Variants in ANK2 observed in about 807,000 individuals in gnomAD.
ANK2 encodes the protein ankyrin-2.
ANK2 carries 83 observed loss-of-function variants against 360.5 expected under a neutral mutation model. The ratio of observed to expected loss-of-function variants is 0.23; its 90% CI spans 0.19 to 0.28. The LOEUF (loss-of-function observed/expected upper bound fraction) is 0.28, where lower values mean the gene tolerates loss of function less well. ANK2 is among the 10% of genes least tolerant of loss of function. The pLI, the probability that ANK2 is intolerant of heterozygous loss-of-function variation, is 1.00. For missense variants in ANK2, 4,201 were observed against 4,795.7 expected (o/e 0.88, Z 3.66); for synonymous variants, 1,740 against 1,759.5 (o/e 0.99, Z 0.28).
chr4:112,740,856 C>T, the ANK2 span, among the ~76,000 whole-genome samples: 11 of 151,930 alleles, frequency 7.2e-5, no homozygotes, highest in East Asian at 1.2e-3. Context: ...CGGGCGTGGT[C>T]GTGGGCACCC....
intron 1 of ANK2, among the ~76,000 whole-genome samples, chr4:112,891,818 G>A (rs779488599): frequency 6.6e-6 from 1 of 152,124 alleles, no homozygotes; most frequent in Non-Finnish European, 1.5e-5. Flanking sequence ...TGCTTTGAGT[G>A]GTATCAAAAG....
Position 113,214,498 on chromosome 4 carries a change from T to C in ANK2, c.384+15389T>C, listed in dbSNP as rs1229254643. On this transcript the variant is annotated intron_variant, in intron 4 of 45. Coordinates refer to ENST00000357077, the MANE Select transcript of ANK2 (RefSeq NM_001148.6). ...AAAATCTACAAATCAATTAATAAAA[T>C]ATTTATTACATTCATTAATTTATTA... 3.5e-5 allele frequency: 22 copies of C among 620,578 alleles called. 3 individuals carry two copies. The highest frequency in any genetic ancestry group is 6.3e-5 in the Non-Finnish European group (22 of 350,838). The allele number at this position is 620,578 out of a possible 1,614,324, so 38.4% of individuals were successfully genotyped here.
In ANK2 at chr4:113,288,368, CTTT is replaced by C. The variant is rs1223377938; in HGVS notation, c.2179-17_2179-15del. On this transcript the variant is annotated splice_polypyrimidine_tract_variant and intron_variant, in intron 19 of 45. Coordinates refer to ENST00000357077, the MANE Select transcript of ANK2 (RefSeq NM_001148.6). ...AAGTTTCTACTTTATCTATTTTTAA[CTTT>C]TTATTATTATTTACAGCTTGGTTAC... 1.2e-6 allele frequency: 2 copies of C among 1,600,698 alleles called. No homozygotes were observed. Among genetic ancestry groups the C allele is most frequent in the African/African-American group, 2.7e-5 (2 of 74,572 alleles).
intron 1 of ANK2, among the ~76,000 whole-genome samples, chr4:113,062,911 T>C (rs1162983663): frequency 6.6e-6 from 1 of 152,118 alleles, no homozygotes; most frequent in African/African-American, 2.4e-5. Context: ...TTTGATTATT[T>C]TCCCTGGGCC....
intron 2 of ANK2, among the ~76,000 whole-genome samples, chr4:113,022,428 C>T (rs1371749972): frequency 1.4e-4 from 21 of 152,102 alleles, no homozygotes. Context: ...CTTCACCTTT[C>T]ACAGTGACTT....
the ANK2 span, among the ~76,000 whole-genome samples, chr4:112,758,418 A>G: frequency 1.3e-5 from 2 of 151,784 alleles, no homozygotes; most frequent in African/African-American, 2.4e-5. Flanking sequence ...ATTTTTATTT[A>G]TTTATTTTTT....
the ANK2 span, among the ~76,000 whole-genome samples, chr4:112,751,799 A>G: frequency 6.6e-6 from 1 of 152,150 alleles, no homozygotes; most frequent in African/African-American, 2.4e-5. Flanking sequence ...GGTGTTAAGG[A>G]CTTAAGAAGT....
intron 26 of ANK2, among the ~76,000 whole-genome samples, chr4:113,319,005 C>A (rs2084512876): frequency 6.6e-6 from 1 of 152,084 alleles, no homozygotes; most frequent in Non-Finnish European, 1.5e-5. Context: ...CTGATTGGTT[C>A]AATGAAATAA....
intron 2 of ANK2, among the ~76,000 whole-genome samples, chr4:112,950,974 T>G (rs1027520420): frequency 1.4e-5 from 2 of 143,756 alleles, no homozygotes; most frequent in Non-Finnish European, 3.0e-5. Context: ...CCCAGCTACT[T>G]GGGAGGCTGA....
intron 1 of ANK2, among the ~76,000 whole-genome samples, chr4:113,100,127 C>T (rs1421503140): frequency 6.6e-6 from 1 of 151,934 alleles, no homozygotes; most frequent in African/African-American, 2.4e-5. Context: ...ATAAGTTGGG[C>T]TTCTTTAAAA....
At chr4:113,343,594 A>G (rs1306656877) in intron 34 of ANK2, among the ~76,000 whole-genome samples, 2 of 152,220 alleles carry the variant, frequency 1.3e-5, no homozygotes, top group Non-Finnish European at 2.9e-5. Flanking sequence ...ATAGAGCTAT[A>G]GACTTGATAT....
chr4:112,751,131 C>T, the ANK2 span, among the ~76,000 whole-genome samples: 1 of 152,070 alleles, frequency 6.6e-6, no homozygotes. Context: ...CTTCTCTATC[C>T]CTAAATTCTT....
At chr4:112,803,503 A>G in the ANK2 span, among the ~76,000 whole-genome samples, 1 of 151,966 alleles carries the variant, frequency 6.6e-6, no homozygotes, top group Non-Finnish European at 1.5e-5. Context: ...CAAGTCAAAG[A>G]ATGTTGGCTG....
intron 22 of ANK2, among the ~76,000 whole-genome samples, chr4:113,301,003 A>G (rs748918673): frequency 4.6e-5 from 7 of 152,230 alleles, no homozygotes; most frequent in Non-Finnish European, 8.8e-5. Context: ...GAAGTTATCT[A>G]CTGCTTTTGG....
chr4:112,813,236 T>TA (rs11393659), upstream of ANK2, among the ~76,000 whole-genome samples: 71,153 of 124,592 alleles, frequency 0.57, 20,377 homozygotes, highest in East Asian at 0.94. Context: ...AGACTCTGTC[T>TA]AAAAAAAAAA....
chr4:113,011,229 G>A (rs1181229321), intron 2 of ANK2, among the ~76,000 whole-genome samples: 2 of 152,038 alleles, frequency 1.3e-5, no homozygotes, highest in African/African-American at 4.8e-5. Context: ...ATTCAGGTGA[G>A]ATAAAATGTT....
the ANK2 span, among the ~76,000 whole-genome samples, chr4:112,793,218 T>A: frequency 6.6e-6 from 1 of 152,232 alleles, no homozygotes; most frequent in Admixed American, 6.5e-5. Context: ...TAAAGGTTTT[T>A]AAAAGCGCTG....
intron 1 of ANK2, among the ~76,000 whole-genome samples, chr4:113,099,090 A>T (rs1269613995): frequency 6.6e-6 from 1 of 151,984 alleles, no homozygotes. Flanking sequence ...TCCCCCTAAG[A>T]CTGGCAACAA....
intron 2 of ANK2, chr4:112,904,589 C>A: frequency 1.7e-6 from 2 of 1,160,522 alleles, no homozygotes; most frequent in Admixed American, 3.0e-5. Flanking sequence ...TAATTAAGTA[C>A]TATTTTGGTA....
Sources: allele counts gnomAD v4.1 joint callset (sites outside exome capture counted in the v4.1 genomes callset), GRCh38; gene constraint gnomAD v4.1.1; transcripts MANE v1.5; gene names NCBI Gene and HGNC (gene_info 2026-07-23, HGNC 2026-07-21).